The following MGAT4D variants were observed in gnomAD, a reference collection of about 807,000 sequenced individuals.
The protein encoded by MGAT4D is MGAT4 family member D, also known as alpha-1,3-mannosyl-glycoprotein 4-beta-N-acetylglucosaminyltransferase-like protein MGAT4D.
Under a neutral mutation model 15.9 loss-of-function variants are expected in MGAT4D, and 34 were observed. The observed-to-expected ratio is 2.14, with a 90% CI of 1.62 to 2.84. The LOEUF (loss-of-function observed/expected upper bound fraction) is 2.84, where lower values mean the gene tolerates loss of function less well. Among genes scored for constraint, MGAT4D ranks in the 30% most tolerant of loss-of-function variants. The pLI is 0.00. For missense variants in MGAT4D, 327 were observed against 140.2 expected, an observed-to-expected ratio of 2.33 and a Z score of -6.73; for synonymous variants, 112 against 48.2, an observed-to-expected ratio of 2.33 and a Z score of -5.49.
At chr4:140,496,242 A>G (rs558383311) in intron 1 of MGAT4D, among the ~76,000 whole-genome samples, 2 of 152,334 alleles carry the variant, frequency 1.3e-5, no homozygotes, top group Admixed American at 1.3e-4. Flanking sequence ...ATGTGAGAAC[A>G]GCTCATTATA....
At chr4:140,463,421 G>A (rs1044843275) in intron 6 of MGAT4D, among the ~76,000 whole-genome samples, 1 of 152,078 alleles carries the variant, frequency 6.6e-6, no homozygotes, top group Non-Finnish European at 1.5e-5. Flanking sequence ...GTGTGGGCAG[G>A]CAGGGAGGGG....
At chr4:140,469,607 A>G (rs989032862) in intron 5 of MGAT4D, among the ~76,000 whole-genome samples, 1 of 151,832 alleles carries the variant, frequency 6.6e-6, no homozygotes, top group Admixed American at 6.6e-5. Flanking sequence ...CCCCATCCCC[A>G]TTCCACTTTT....
At chr4:140,457,045 T>C (rs1351627178) in intron 8 of MGAT4D, 1 of 155,414 alleles carries the variant, frequency 6.4e-6, no homozygotes, top group East Asian at 1.9e-4. Flanking sequence ...TTGTAATCTT[T>C]TACTTAATTT....
chr4:140,464,817 G>C (rs928800594), intron 6 of MGAT4D, 79 bp downstream of exon 6: 4 of 677,718 alleles, frequency 5.9e-6, no homozygotes, highest in African/African-American at 1.8e-5. Context: ...GTCTGAAATA[G>C]TTTCTAATAT....
At chr4:140,444,285 CG>C (rs1729947976) in intron 10 of MGAT4D, among the ~76,000 whole-genome samples, 2 of 151,802 alleles carry the variant, frequency 1.3e-5, no homozygotes, top group Admixed American at 1.3e-4. Context: ...ATTTGTGTCA[CG>C]GGGGTTTGGT....
chr4:140,498,074 C>G, intron 1 of MGAT4D, 55 bp downstream of exon 1: 1 of 687,268 alleles, frequency 1.5e-6, no homozygotes, highest in East Asian at 2.8e-5. Flanking sequence ...TGCATTCCTG[C>G]AGCCCCGAAG....
At chr4:140,474,673 T>C (rs1732195855) in intron 4 of MGAT4D, 140 bp downstream of exon 4, 1 of 423,492 alleles carries the variant, frequency 2.4e-6, no homozygotes, top group Non-Finnish European at 4.2e-6. Context: ...TTGTCTGGTA[T>C]CCAAAAAAGG....
intron 1 of MGAT4D, among the ~76,000 whole-genome samples, chr4:140,486,246 G>C (rs2126849766): frequency 6.7e-6 from 1 of 149,870 alleles, no homozygotes; most frequent in African/African-American, 2.5e-5. Context: ...CACATATCCT[G>C]TTGTGGCAGA....
At chr4:140,473,194 C>T (rs1276898675) in intron 4 of MGAT4D, among the ~76,000 whole-genome samples, 1 of 151,864 alleles carries the variant, frequency 6.6e-6, no homozygotes, top group African/African-American at 2.4e-5. Flanking sequence ...ATAATGATAA[C>T]ATTATGTTAA....
At chr4:140,468,936 A>G (rs913126918) in intron 5 of MGAT4D, among the ~76,000 whole-genome samples, 1 of 151,806 alleles carries the variant, frequency 6.6e-6, no homozygotes, top group Non-Finnish European at 1.5e-5. Flanking sequence ...ACCTGCTCTC[A>G]TCTCCTCTTT....
chr4:140,456,187 T>C (rs1038370799), intron 9 of MGAT4D, among the ~76,000 whole-genome samples: 2 of 152,190 alleles, frequency 1.3e-5, no homozygotes, highest in Non-Finnish European at 2.9e-5. Context: ...GTTTGTATGG[T>C]ATATATTTTT....
At chr4:140,465,579 T>C (rs1731481057) in intron 5 of MGAT4D, among the ~76,000 whole-genome samples, 1 of 152,178 alleles carries the variant, frequency 6.6e-6, no homozygotes, top group African/African-American at 2.4e-5. Flanking sequence ...AATTCCAATA[T>C]AAATCTTGTA....
chr4:140,470,887 AT>A lies in MGAT4D; in HGVS notation c.572+887del, dbSNP rs776418118. 4.6e-3 allele frequency among the ~76,000 whole-genome samples: 658 copies of A among 142,814 alleles called. 1 individual carries two copies. Among genetic ancestry groups the A allele is most frequent in the Middle Eastern group, 0.014 (4 of 276 alleles). 93.7% of individuals were successfully genotyped at this position (142,814 alleles called of 152,430 possible). The stretch of plus-strand genomic sequence containing the variant: ...AGCCTCTTCCTTCCTTTATTTTATA[AT>A]TTTTTTTTTTTTTTGAGACACAGTC... On this transcript the variant is annotated intron_variant, in intron 5 of 10. Coordinates refer to ENST00000511113, the MANE Select transcript of MGAT4D (RefSeq NM_001277353.2).
intron 10 of MGAT4D, among the ~76,000 whole-genome samples, chr4:140,448,245 C>T (rs1394592799): frequency 1.3e-5 from 2 of 152,156 alleles, no homozygotes; most frequent in Non-Finnish European, 2.9e-5. Context: ...GAATGTTGTC[C>T]TCTCTAGCGA....
At chr4:140,480,694 C>T (rs1015621187) in intron 2 of MGAT4D, among the ~76,000 whole-genome samples, 7 of 150,396 alleles carry the variant, frequency 4.7e-5, no homozygotes, top group African/African-American at 1.7e-4. Flanking sequence ...AGTTTGAGAA[C>T]AGCATGAGCA....
At chr4:140,447,738 C>T (rs1730222714) in intron 10 of MGAT4D, among the ~76,000 whole-genome samples, 1 of 151,894 alleles carries the variant, frequency 6.6e-6, no homozygotes, top group Admixed American at 6.6e-5. Flanking sequence ...GCATTTGATC[C>T]TGTCATTGTG....
chr4:140,476,896 A>AG (rs1359722968), intron 3 of MGAT4D, among the ~76,000 whole-genome samples: 1 of 152,184 alleles, frequency 6.6e-6, no homozygotes, highest in Non-Finnish European at 1.5e-5. Context: ...ATTCCTATCT[A>AG]GAATGTCAGC....
intron 9 of MGAT4D, among the ~76,000 whole-genome samples, chr4:140,454,012 ATG>A (rs34758499): frequency 0.19 from 27,543 of 147,690 alleles, 2,536 homozygotes; most frequent in Admixed American, 0.24. Context: ...TCTAGGATGT[ATG>A]TGTGTGTGTG....
At chr4:140,487,923 C>T (rs932771778) in intron 1 of MGAT4D, among the ~76,000 whole-genome samples, 1 of 152,188 alleles carries the variant, frequency 6.6e-6, no homozygotes, top group Non-Finnish European at 1.5e-5. Flanking sequence ...TCTCAGGCCT[C>T]ACCCCAGACT....
Sources: gnomAD v4.1 joint callset for allele counts (sites outside exome capture counted in the v4.1 genomes callset) on GRCh38, gnomAD v4.1.1 for gene constraint, MANE v1.5 for transcripts, NCBI Gene and HGNC (gene_info 2026-07-23, HGNC 2026-07-21) for gene names.